Variants in ASTN2 observed in about 807,000 individuals in gnomAD.
ASTN2 encodes the protein astrotactin 2.
Under a neutral mutation model 139.8 loss-of-function variants are expected in ASTN2, and 54 were observed. That is an observed-to-expected ratio of 0.39 (90% confidence interval 0.31 to 0.48). The LOEUF is 0.48. ASTN2 is among the 20% of genes least tolerant of loss of function. ASTN2 has a pLI of 0.95. For synonymous variants in ASTN2, 756 were observed against 719.5 expected (o/e 1.05, Z -0.81); for missense variants, 1,565 against 1,725.1 (o/e 0.91, Z 1.64).
At chr9:116,550,992 C>T (rs2119402426) in intron 19 of ASTN2, 1 of 152,348 alleles carries the variant, frequency 6.6e-6, no homozygotes, top group Middle Eastern at 3.4e-3. Context: ...CACAGGAAGC[C>T]AGGATGTGGA....
chr9:116,538,308 G>A (rs556733226), intron 19 of ASTN2, among the ~76,000 whole-genome samples: 1 of 150,066 alleles, frequency 6.7e-6, no homozygotes, highest in African/African-American at 2.5e-5. Context: ...AAGGGAATGA[G>A]GAAGAAAGGG....
intron 13 of ASTN2, among the ~76,000 whole-genome samples, chr9:116,800,238 T>G (rs1311395222): frequency 6.6e-6 from 1 of 152,162 alleles, no homozygotes; most frequent in Non-Finnish European, 1.5e-5. Flanking sequence ...CATCTCTTCT[T>G]AATTCTTTCT....
chr9:116,735,008 C>T (rs1424071979), intron 13 of ASTN2, among the ~76,000 whole-genome samples: 1 of 152,130 alleles, frequency 6.6e-6, no homozygotes, highest in Non-Finnish European at 1.5e-5. Context: ...TACATTTTAT[C>T]ACTTAATCTT....
At chr9:116,712,774 G>C (rs1828201176) in intron 16 of ASTN2, among the ~76,000 whole-genome samples, 1 of 152,194 alleles carries the variant, frequency 6.6e-6, no homozygotes, top group African/African-American at 2.4e-5. Context: ...GTCACCATTG[G>C]AAGAGAAGGC....
intron 2 of ASTN2, among the ~76,000 whole-genome samples, chr9:117,220,907 T>C (rs1832492994): frequency 6.6e-6 from 1 of 152,200 alleles, no homozygotes; most frequent in Non-Finnish European, 1.5e-5. Flanking sequence ...CATTTTCAGG[T>C]TGAGGTGAGG....
Position 116,698,904 on chromosome 9 carries a change from G to A in ASTN2, c.2806+26867C>T, listed in dbSNP as rs886042328. 6.8e-6 allele frequency: 11 copies of A among 1,614,060 alleles called. No homozygotes were observed. Among genetic ancestry groups the A allele is most frequent in the South Asian group, 1.1e-5 (1 of 91,076 alleles). ...GACCAGTCAAGGTGAAGTACTAGTC[G>A]CTGACCGTGGTAACTATCGTATACA... On this transcript the variant is annotated intron_variant, in intron 16 of 22. Coordinates refer to ENST00000313400, the MANE Select transcript of ASTN2 (RefSeq NM_001365068.1). The surrounding 1 kb of genome is among the most constrained non-coding windows in gnomAD (Gnocchi z 4.4).
At chr9:117,142,477 T>A (rs1830098385) in intron 3 of ASTN2, among the ~76,000 whole-genome samples, 1 of 152,182 alleles carries the variant, frequency 6.6e-6, no homozygotes, top group Admixed American at 6.5e-5. Flanking sequence ...GAGGGGATGT[T>A]GAAGCCCCAA....
chr9:117,015,498 C>T (rs188307425), intron 6 of ASTN2, among the ~76,000 whole-genome samples: 17 of 152,200 alleles, frequency 1.1e-4, no homozygotes, highest in Admixed American at 3.9e-4. Flanking sequence ...TATCAATGGA[C>T]CCCCTGGAGG....
chr9:117,413,669 G>A lies in ASTN2; in HGVS notation c.442+828C>T, dbSNP rs144114729. On this transcript the variant is annotated intron_variant, in intron 1 of 22. Coordinates refer to ENST00000313400, the MANE Select transcript of ASTN2 (RefSeq NM_001365068.1). ...CAGCAAGCTGCTGGCGAACTTTTCT[G>A]ATTAACTTTTCCGTTGGAGCCCCCC... is the stretch of plus-strand genomic sequence containing the variant. 1.9e-3 allele frequency among the ~76,000 whole-genome samples: 295 copies of A among 152,308 alleles called. 2 individuals carry two copies. The highest frequency in any genetic ancestry group is 6.5e-3 in the African/African-American group (269 of 41,560).
intron 13 of ASTN2, among the ~76,000 whole-genome samples, chr9:116,736,033 CAGACATTGAAA>C (rs1355630614): frequency 1.3e-5 from 2 of 152,216 alleles, no homozygotes; most frequent in African/African-American, 4.8e-5. Context: ...ATTCCCCATT[CAGACATTGAAA>C]AGCTGAAGCA....
chr9:116,475,752 CT>C (rs774665770), intron 20 of ASTN2, among the ~76,000 whole-genome samples: 5 of 152,158 alleles, frequency 3.3e-5, no homozygotes, highest in Non-Finnish European at 5.9e-5. Context: ...CAACTCTTTC[CT>C]GCAGCAATGA....
chr9:117,021,119 G>C (rs1235555728), intron 6 of ASTN2, among the ~76,000 whole-genome samples: 1 of 152,076 alleles, frequency 6.6e-6, no homozygotes, highest in Non-Finnish European at 1.5e-5. Context: ...TGTTGCCCAG[G>C]TTGGTCTTGA....
At chr9:117,160,437 C>T (rs567994047) in intron 3 of ASTN2, among the ~76,000 whole-genome samples, 1 of 47,920 alleles carries the variant, frequency 2.1e-5, no homozygotes, top group Non-Finnish European at 4.9e-5. Flanking sequence ...AGGGTAATCA[C>T]AATAACACAG....
rs528369619 is a variant in ASTN2, at chr9:116,527,089, T to C, written c.3356-39589A>G. Among the ~76,000 whole-genome samples the C allele has an allele frequency of 2.0e-4, 31 of 152,246 alleles. 1 individual carries two copies. Among genetic ancestry groups the C allele is most frequent in the Admixed American group, 9.2e-4 (14 of 15,284 alleles). On this transcript the variant is annotated intron_variant, in intron 19 of 22. Coordinates refer to ENST00000313400, the MANE Select transcript of ASTN2 (RefSeq NM_001365068.1). Reference sequence around the variant, plus strand: ...ATAAGACCTGAAACTATAAAGTAACTAGAAGAAAACAGTGGAAAAGTTCCA... The same window carrying C: ...ATAAGACCTGAAACTATAAAGTAACCAGAAGAAAACAGTGGAAAAGTTCCA...
At chr9:117,017,736 T>A (rs2132608722) in intron 6 of ASTN2, among the ~76,000 whole-genome samples, 1 of 152,292 alleles carries the variant, frequency 6.6e-6, no homozygotes, top group East Asian at 1.9e-4. Context: ...ACATTCCATT[T>A]ACAATTGTAT....
At chr9:116,431,812 G>A (rs1399533203) in intron 22 of ASTN2, among the ~76,000 whole-genome samples, 1 of 152,162 alleles carries the variant, frequency 6.6e-6, no homozygotes, top group Non-Finnish European at 1.5e-5. Flanking sequence ...TGACCAGGGT[G>A]ACAGGAGGAT....
At chr9:116,792,468 T>C (rs1830584457) in intron 13 of ASTN2, among the ~76,000 whole-genome samples, 1 of 152,214 alleles carries the variant, frequency 6.6e-6, no homozygotes, top group African/African-American at 2.4e-5. Context: ...GAGGAGGCTC[T>C]AATCCAGGCA....
chr9:117,069,270 A>C, intron 5 of ASTN2, among the ~76,000 whole-genome samples: 1 of 106,894 alleles, frequency 9.4e-6, no homozygotes, highest in Non-Finnish European at 1.9e-5. Flanking sequence ...TTATGTACCC[A>C]GTAGTCACTC....
At chr9:117,013,982 T>C (rs1016799999) in intron 6 of ASTN2, among the ~76,000 whole-genome samples, 1 of 152,126 alleles carries the variant, frequency 6.6e-6, no homozygotes, top group Non-Finnish European at 1.5e-5. Context: ...AAGATGGTCT[T>C]TACAAATGAA....
Sources: allele counts gnomAD v4.1 joint callset (sites outside exome capture counted in the v4.1 genomes callset), GRCh38; gene constraint gnomAD v4.1.1; non-coding constraint Gnocchi (gnomAD v3.1); transcripts MANE v1.5; gene names NCBI Gene and HGNC (gene_info 2026-07-23, HGNC 2026-07-21).